Variants in ROBO2 observed in about 807,000 individuals in gnomAD.
ROBO2 encodes the protein roundabout homolog 2.
Under a neutral mutation model 160.8 loss-of-function variants are expected in ROBO2, and 53 were observed. The ratio of observed to expected loss-of-function variants is 0.33; its 90% CI spans 0.26 to 0.41. The LOEUF (loss-of-function observed/expected upper bound fraction) is 0.41, where lower values mean the gene tolerates loss of function less well. ROBO2 is among the 10% of genes least tolerant of loss of function. The pLI, the probability that ROBO2 is intolerant of heterozygous loss-of-function variation, is 1.00. For missense variants in ROBO2, 1,577 were observed against 1,722.4 expected, an observed-to-expected ratio of 0.92 and a Z score of 1.49; for synonymous variants, 664 against 611.7, an observed-to-expected ratio of 1.09 and a Z score of -1.26.
In ROBO2 at chr3:76,801,588, TA is replaced by T. The variant is rs576360782; in HGVS notation, c.110-296419del. On this transcript the variant is annotated intron_variant, in intron 2 of 26. Transcript: ENST00000487694. ...CTATGTATCCATAAAGTTTTTTTTTTAAAAAAAGAAAAGAATATCGCGGCAG... is the reference window on the plus strand; with the variant it reads ...CTATGTATCCATAAAGTTTTTTTTTTAAAAAAGAAAAGAATATCGCGGCAG... Among the ~76,000 whole-genome samples the T allele has an allele frequency of 9.2e-5, 13 of 141,792 alleles. 1 individual carries two copies. In the East Asian group the frequency reaches 2.3e-3, roughly 25 times the overall value. The allele number at this position is 141,792 out of a possible 152,430, so 93.0% of individuals were successfully genotyped here.
At chr3:76,524,277 T>C in intron 2 of ROBO2, among the ~76,000 whole-genome samples, 1 of 151,984 alleles carries the variant, frequency 6.6e-6, no homozygotes, top group East Asian at 1.9e-4. Flanking sequence ...AAACATTTAC[T>C]AAAGAGTAGT....
chr3:77,623,985 G>C (rs926512436), intron 23 of ROBO2, among the ~76,000 whole-genome samples: 13 of 152,238 alleles, frequency 8.5e-5, no homozygotes, highest in Admixed American at 3.3e-4. Context: ...TGCCTGATGT[G>C]ACTGCAGCTC....
At chr3:77,162,494 T>A (rs753080111) in intron 2 of ROBO2, among the ~76,000 whole-genome samples, 1 of 152,160 alleles carries the variant, frequency 6.6e-6, no homozygotes, top group Non-Finnish European at 1.5e-5. Flanking sequence ...AAACAACTGT[T>A]TCCGTACGTA....
intron 2 of ROBO2, among the ~76,000 whole-genome samples, chr3:77,247,862 G>T (rs957790057): frequency 2.6e-5 from 4 of 152,204 alleles, no homozygotes; most frequent in Non-Finnish European, 4.4e-5. Flanking sequence ...GGAACAGGAT[G>T]CAGGGAGATC....
At chr3:76,799,999 C>T (rs2064075335) in intron 2 of ROBO2, among the ~76,000 whole-genome samples, 1 of 152,174 alleles carries the variant, frequency 6.6e-6, no homozygotes, top group Non-Finnish European at 1.5e-5. Flanking sequence ...ACCAAACCTG[C>T]ATGGTACTGG....
rs1276637804 is a variant in ROBO2 at position 77,474,311 on chromosome 3, C to T, written c.389-3103C>T. On this transcript the variant is annotated intron_variant, in intron 2 of 25. Coordinates refer to ENST00000461745, the Ensembl canonical transcript of ROBO2. ...TAGGCAATTACTCTGTGATTCTCCTCAGGGTACGCTAATAAATTTGTGTAC... is the reference window on the plus strand; with the variant it reads ...TAGGCAATTACTCTGTGATTCTCCTTAGGGTACGCTAATAAATTTGTGTAC... Among the ~76,000 whole-genome samples the T allele has an allele frequency of 2.0e-5, 3 of 152,140 alleles. No homozygotes were observed. In the East Asian group the frequency reaches 5.8e-4, roughly 29 times the overall value.
intron 2 of ROBO2, among the ~76,000 whole-genome samples, chr3:76,546,553 A>G (rs1207802973): frequency 6.6e-6 from 1 of 151,952 alleles, no homozygotes; most frequent in Non-Finnish European, 1.5e-5. Flanking sequence ...GAAGAGGAAG[A>G]AGGGAGCCAG....
intron 2 of ROBO2, among the ~76,000 whole-genome samples, chr3:76,391,163 A>G (rs1400894441): frequency 6.6e-6 from 1 of 152,100 alleles, no homozygotes; most frequent in Admixed American, 6.6e-5. Context: ...GTAGATTCTC[A>G]TTATATCTAT....
At chr3:77,520,041 G>T (rs1015080962) in intron 5 of ROBO2, among the ~76,000 whole-genome samples, 1 of 151,078 alleles carries the variant, frequency 6.6e-6, no homozygotes, top group African/African-American at 2.4e-5. Flanking sequence ...GAATAAACAG[G>T]TTTTTTTCTT....
chr3:76,690,034 C>T, intron 2 of ROBO2, among the ~76,000 whole-genome samples: 1 of 152,126 alleles, frequency 6.6e-6, no homozygotes, highest in Non-Finnish European at 1.5e-5. Flanking sequence ...GAATACATTG[C>T]ATGGCACCTA....
chr3:77,444,005 T>C (rs1020126855), intron 2 of ROBO2, among the ~76,000 whole-genome samples: 2 of 152,238 alleles, frequency 1.3e-5, no homozygotes, highest in African/African-American at 4.8e-5. Flanking sequence ...ATAATGTCTC[T>C]AATTAGCCTT....
intron 2 of ROBO2, among the ~76,000 whole-genome samples, chr3:76,295,115 C>G (rs1411911294): frequency 6.6e-6 from 1 of 152,086 alleles, no homozygotes; most frequent in Non-Finnish European, 1.5e-5. Context: ...ACTTGGGCAG[C>G]CCATTGAATC....
chr3:76,545,588 T>C (rs1387893240), intron 2 of ROBO2, among the ~76,000 whole-genome samples: 1 of 152,014 alleles, frequency 6.6e-6, no homozygotes, highest in East Asian at 1.9e-4. Flanking sequence ...GTTCTAATCA[T>C]GTTCAGTTAC....
chr3:77,542,561 T>G (rs139545837), intron 6 of ROBO2, among the ~76,000 whole-genome samples: 107 of 152,272 alleles, frequency 7.0e-4, no homozygotes, highest in African/African-American at 2.4e-3. Context: ...AAATAACAGA[T>G]GCTGACAGTT....
intron 2 of ROBO2, among the ~76,000 whole-genome samples, chr3:76,410,489 T>A (rs921329692): frequency 6.6e-6 from 1 of 152,176 alleles, no homozygotes; most frequent in Non-Finnish European, 1.5e-5. Context: ...TGTGTTTATG[T>A]GTACTTGACA....
At chr3:76,130,287 G>T (rs2071176643) in intron 2 of ROBO2, among the ~76,000 whole-genome samples, 1 of 151,970 alleles carries the variant, frequency 6.6e-6, no homozygotes, top group Non-Finnish European at 1.5e-5. Context: ...ATCAGTTTGG[G>T]ATATTTTTTG....
intron 2 of ROBO2, among the ~76,000 whole-genome samples, chr3:76,770,510 C>A (rs2061834930): frequency 6.6e-6 from 1 of 151,072 alleles, no homozygotes; most frequent in South Asian, 2.1e-4. Context: ...TACAAAGGGT[C>A]AGGGCGATCT....
Position 77,426,608 on chromosome 3 carries a change from C to CTGTGTGTGTGTG in ROBO2, c.389-50791_389-50780dup, listed in dbSNP as rs9309768. Among the ~76,000 whole-genome samples the CTGTGTGTGTGTG allele has an allele frequency of 1.0e-3, 142 of 140,644 alleles. 2 individuals carry two copies. The highest frequency in any genetic ancestry group is 3.0e-3 in the East Asian group (14 of 4,654). 92.3% of individuals were successfully genotyped at this position (140,644 alleles called of 152,430 possible). A position where few individuals can be genotyped will look rare whatever the true frequency, so the allele number is the denominator to read the frequency against. Reference sequence around the variant, plus strand: ...TACACACACATACATATGTGTGTGTCTGTGTGTGTGTGTGTGTGTGTGTGT... The same window carrying CTGTGTGTGTGTG: ...TACACACACATACATATGTGTGTGTCTGTGTGTGTGTGTGTGTGTGTGTGTGTGTGTGTGTGT... On this transcript the variant is annotated intron_variant, in intron 2 of 25. Transcript: ENST00000461745.
chr3:76,598,717 T>C (rs1419213845), intron 2 of ROBO2, among the ~76,000 whole-genome samples: 3 of 152,108 alleles, frequency 2.0e-5, no homozygotes, highest in Non-Finnish European at 4.4e-5. Context: ...GCTGTTCATA[T>C]AAAATTGAAA....
Sources: gnomAD v4.1 joint callset for allele counts (sites outside exome capture counted in the v4.1 genomes callset) on GRCh38, gnomAD v4.1.1 for gene constraint, MANE v1.5 for transcripts, NCBI Gene and HGNC (gene_info 2026-07-23, HGNC 2026-07-21) for gene names.